The following TSPAN5 variants were observed in gnomAD, a reference collection of about 807,000 sequenced individuals.
TSPAN5 encodes tetraspanin-5.
TSPAN5 carries 10 observed loss-of-function variants against 37.1 expected under a neutral mutation model. The observed-to-expected ratio is 0.27, with a 90% CI of 0.17 to 0.46. The LOEUF (loss-of-function observed/expected upper bound fraction) is 0.46. TSPAN5 is among the 20% of genes least tolerant of loss of function. TSPAN5 has a pLI of 1.00. For synonymous variants in TSPAN5, 110 were observed against 118.9 expected (o/e 0.93, Z 0.48); for missense variants, 195 against 326.6 (o/e 0.60, Z 3.11).
At chr4:98,578,973 C>A (rs1358546) in intron 1 of TSPAN5, among the ~76,000 whole-genome samples, 115,782 of 152,062 alleles carry the variant, frequency 0.76, 44,366 homozygotes, top group South Asian at 0.85. Flanking sequence ...GCCCCACACC[C>A]TTGACTGCAC....
intron 1 of TSPAN5, among the ~76,000 whole-genome samples, chr4:98,583,225 C>G (rs1031717014): frequency 2.0e-5 from 3 of 152,168 alleles, no homozygotes; most frequent in Admixed American, 2.0e-4. Flanking sequence ...AATTTTCCTT[C>G]ATTTTGTCTC....
intron 2 of TSPAN5, among the ~76,000 whole-genome samples, chr4:98,498,376 G>C (rs565285501): frequency 6.6e-6 from 1 of 152,192 alleles, no homozygotes; most frequent in South Asian, 2.1e-4. Context: ...TATTTCCAAC[G>C]TAACATCATA....
intron 5 of TSPAN5, among the ~76,000 whole-genome samples, chr4:98,476,867 T>C (rs950909702): frequency 6.6e-6 from 1 of 152,226 alleles, no homozygotes; most frequent in South Asian, 2.1e-4. Flanking sequence ...TTTTAATCTA[T>C]GTACTTCCAT....
At chr4:98,484,454 A>G (rs955423714) in intron 3 of TSPAN5, 27 of 455,946 alleles carry the variant, frequency 5.9e-5, no homozygotes, top group Admixed American at 4.9e-4. Flanking sequence ...AAATGGAGAG[A>G]GGCCATTTAA....
At chr4:98,506,358 C>A (rs1215132061) in intron 2 of TSPAN5, among the ~76,000 whole-genome samples, 3 of 152,202 alleles carry the variant, frequency 2.0e-5, no homozygotes, top group Non-Finnish European at 2.9e-5. Context: ...TAATTTGTCT[C>A]CCCTCATACA....
intron 1 of TSPAN5, among the ~76,000 whole-genome samples, chr4:98,564,865 T>C (rs1319134065): frequency 6.6e-6 from 1 of 152,126 alleles, no homozygotes; most frequent in East Asian, 1.9e-4. Context: ...ACAAAAGCTT[T>C]TTCTTTTAAA....
intron 1 of TSPAN5, among the ~76,000 whole-genome samples, chr4:98,623,131 G>T (rs1427680180): frequency 6.6e-6 from 1 of 151,620 alleles, no homozygotes; most frequent in Non-Finnish European, 1.5e-5. Flanking sequence ...AATTCCCTTA[G>T]TCTTATGTGT....
At chr4:98,581,867 T>A (rs771911812) in intron 1 of TSPAN5, among the ~76,000 whole-genome samples, 6 of 152,170 alleles carry the variant, frequency 3.9e-5, no homozygotes, top group Non-Finnish European at 8.8e-5. Context: ...GAAGTTGAAG[T>A]CACTTAGGGG....
intron 2 of TSPAN5, among the ~76,000 whole-genome samples, chr4:98,503,875 CA>C (rs957998788): frequency 2.4e-4 from 37 of 152,290 alleles, no homozygotes; most frequent in African/African-American, 8.4e-4. Context: ...GGAGGTGATT[CA>C]TGTCACATAA....
intron 2 of TSPAN5, among the ~76,000 whole-genome samples, chr4:98,493,988 TC>T (rs1395740104): frequency 1.3e-5 from 2 of 152,216 alleles, no homozygotes; most frequent in African/African-American, 4.8e-5. Flanking sequence ...ATAGGAGATT[TC>T]CATTATCCAC....
At chr4:98,620,958 T>C (rs186332006) in intron 1 of TSPAN5, among the ~76,000 whole-genome samples, 20 of 152,316 alleles carry the variant, frequency 1.3e-4, no homozygotes, top group Non-Finnish European at 2.6e-4. Context: ...TTGAAGTCAT[T>C]ACCAGCATCT....
chr4:98,576,534 G>A (rs1287087235), intron 1 of TSPAN5, among the ~76,000 whole-genome samples: 1 of 152,142 alleles, frequency 6.6e-6, no homozygotes, highest in Non-Finnish European at 1.5e-5. Context: ...GAGGTCAGAA[G>A]TTCGAGACCA....
At chr4:98,633,180 C>G (rs745959295) in intron 1 of TSPAN5, among the ~76,000 whole-genome samples, 1 of 152,206 alleles carries the variant, frequency 6.6e-6, no homozygotes, top group Non-Finnish European at 1.5e-5. Context: ...AACAGCAAAG[C>G]CAGTTCCTTA....
chr4:98,524,826 C>T (rs1392644683), intron 1 of TSPAN5, among the ~76,000 whole-genome samples: 1 of 152,088 alleles, frequency 6.6e-6, no homozygotes, highest in Non-Finnish European at 1.5e-5. Flanking sequence ...ACCTGTGTAC[C>T]AGTCAGTAAC....
chr4:98,517,775 CA>C (rs1753767688), intron 1 of TSPAN5, among the ~76,000 whole-genome samples: 1 of 152,098 alleles, frequency 6.6e-6, no homozygotes, highest in Non-Finnish European at 1.5e-5. Context: ...ATGGAGGCTG[CA>C]AGTTTACAGC....
At chr4:98,496,896 C>G (rs542095742) in intron 2 of TSPAN5, among the ~76,000 whole-genome samples, 49 of 152,230 alleles carry the variant, frequency 3.2e-4, no homozygotes, top group African/African-American at 1.1e-3. Context: ...ACTAAATGTT[C>G]GTGACTCCCC....
At chr4:98,590,244 G>GT (rs35119473) in intron 1 of TSPAN5, among the ~76,000 whole-genome samples, 6 of 152,104 alleles carry the variant, frequency 3.9e-5, no homozygotes, top group Non-Finnish European at 8.8e-5. Flanking sequence ...GTGAAATAGG[G>GT]ACCTGAGCCA....
chr4:98,617,384 G>C (rs1050160959), intron 1 of TSPAN5, among the ~76,000 whole-genome samples: 10 of 152,136 alleles, frequency 6.6e-5, no homozygotes, highest in Non-Finnish European at 1.5e-4. Context: ...ACAAACAGCA[G>C]AACCTAGCCA....
chr4:98,580,339 CAT>C (rs1259214661), intron 1 of TSPAN5, among the ~76,000 whole-genome samples: 3 of 152,208 alleles, frequency 2.0e-5, no homozygotes, highest in African/African-American at 7.2e-5. Flanking sequence ...ATAGAAACAT[CAT>C]CTGACTCTGA....
Sources: gnomAD v4.1 joint callset for allele counts (sites outside exome capture counted in the v4.1 genomes callset) on GRCh38, gnomAD v4.1.1 for gene constraint, MANE v1.5 for transcripts, NCBI Gene and HGNC (gene_info 2026-07-23, HGNC 2026-07-21) for gene names.